The following LRP6 variants were observed in gnomAD, a reference collection of about 807,000 sequenced individuals.
LRP6 encodes low-density lipoprotein receptor-related protein 6.
Under a neutral mutation model 184.1 loss-of-function variants are expected in LRP6, and 43 were observed. That is an observed-to-expected ratio of 0.23 (90% confidence interval 0.18 to 0.30). The LOEUF (loss-of-function observed/expected upper bound fraction) is 0.30, where lower values mean the gene tolerates loss of function less well. Ranked by LOEUF, LRP6 falls within the 10% of genes least tolerant of loss-of-function variation. The probability of loss-of-function intolerance (pLI) is 1.00; values close to 1 mark genes in which losing one functional copy is unlikely to be tolerated. For synonymous variants in LRP6, 719 were observed against 684.9 expected, an observed-to-expected ratio of 1.05 and a Z score of -0.78; for missense variants, 1,571 against 2,005.3, an observed-to-expected ratio of 0.78 and a Z score of 4.14.
chr12:12,254,143 CAAAAAAAAAAAA>C (rs34210761), intron 1 of LRP6, among the ~76,000 whole-genome samples: 1 of 74,374 alleles, frequency 1.3e-5, no homozygotes, highest in Non-Finnish European at 2.3e-5. Flanking sequence ...GACTCTGTCT[CAAAAAAAAAAAA>C]AAAAAAAAAA....
intron 22 of LRP6, among the ~76,000 whole-genome samples, chr12:12,124,111 C>T (rs1262709208): frequency 6.6e-6 from 1 of 151,708 alleles, no homozygotes; most frequent in Non-Finnish European, 1.5e-5. Flanking sequence ...TGGTGGCTCA[C>T]ACCTGTAATC....
At chr12:12,163,795 A>G (rs1011558230) in intron 9 of LRP6, among the ~76,000 whole-genome samples, 8 of 152,244 alleles carry the variant, frequency 5.3e-5, no homozygotes, top group African/African-American at 1.7e-4. Context: ...TGTATTAAAA[A>G]GCATCTAATA....
At chr12:12,226,077 C>A (rs1220451238) in intron 2 of LRP6, among the ~76,000 whole-genome samples, 1 of 152,158 alleles carries the variant, frequency 6.6e-6, no homozygotes, top group Non-Finnish European at 1.5e-5. Flanking sequence ...TAACTCCAGC[C>A]TCCTCTAACC....
intron 1 of LRP6, among the ~76,000 whole-genome samples, chr12:12,261,849 A>G (rs1865623767): frequency 6.6e-6 from 1 of 152,240 alleles, no homozygotes; most frequent in Non-Finnish European, 1.5e-5. Context: ...CTACAGAAAT[A>G]CAAGATGCAA....
chr12:12,242,443 G>A (rs954991867), intron 2 of LRP6, among the ~76,000 whole-genome samples: 2 of 152,276 alleles, frequency 1.3e-5, no homozygotes, highest in Admixed American at 1.3e-4. Context: ...GGGGAAAAAA[G>A]AACTTTATCT....
intron 2 of LRP6, among the ~76,000 whole-genome samples, chr12:12,230,717 A>T (rs1233154677): frequency 6.6e-6 from 1 of 152,228 alleles, no homozygotes; most frequent in Non-Finnish European, 1.5e-5. Context: ...GTAATATGGT[A>T]AAAAGACAAC....
intron 2 of LRP6, among the ~76,000 whole-genome samples, chr12:12,242,685 C>T (rs751947764): frequency 2.3e-4 from 35 of 152,314 alleles, no homozygotes; most frequent in Non-Finnish European, 4.9e-4. Flanking sequence ...GTTTTTCCTA[C>T]GATCAGAGCC....
chr12:12,169,855 T>A (rs964142027), intron 7 of LRP6, among the ~76,000 whole-genome samples: 3 of 152,170 alleles, frequency 2.0e-5, no homozygotes, highest in Non-Finnish European at 4.4e-5. Context: ...TATTAAAGAT[T>A]TTTTTAAAAC....
At chr12:12,160,152 T>C (rs1389381109) in intron 10 of LRP6, among the ~76,000 whole-genome samples, 188 bp from the exon 11 acceptor site, 1 of 152,174 alleles carries the variant, frequency 6.6e-6, no homozygotes, top group Non-Finnish European at 1.5e-5. Flanking sequence ...TTTTTTTCCA[T>C]ATCCCAAAAA....
chr12:12,219,973 A>G (rs1440315537), intron 2 of LRP6, among the ~76,000 whole-genome samples: 2 of 152,126 alleles, frequency 1.3e-5, no homozygotes, highest in Non-Finnish European at 2.9e-5. Flanking sequence ...GCAACAGCTA[A>G]TTTACTCCAG....
At chr12:12,208,407 TA>T (rs1231547196) in intron 2 of LRP6, among the ~76,000 whole-genome samples, 3 of 152,198 alleles carry the variant, frequency 2.0e-5, no homozygotes, top group African/African-American at 7.2e-5. Flanking sequence ...TCTAACTCAG[TA>T]AAGTTGCTTA....
At chr12:12,127,600 G>C (rs1390454078) in intron 19 of LRP6, among the ~76,000 whole-genome samples, 1 of 152,038 alleles carries the variant, frequency 6.6e-6, no homozygotes, top group Non-Finnish European at 1.5e-5. Context: ...TGCCAGAAGA[G>C]GACACCACCC....
At chr12:12,238,755 G>T (rs1864984878) in intron 2 of LRP6, among the ~76,000 whole-genome samples, 1 of 152,014 alleles carries the variant, frequency 6.6e-6, no homozygotes, top group South Asian at 2.1e-4. Flanking sequence ...AAACACTGAA[G>T]GGCATACTTC....
chr12:12,130,871 G>A lies in LRP6; in HGVS notation c.3993C>T (p.Phe1331=), dbSNP rs1242577407. 3 of 1,607,122 alleles carry A rather than the reference G, an allele frequency of 1.9e-6. No individual in the cohort carries two copies. The highest frequency in any genetic ancestry group is 1.7e-5 in the Admixed American group (1 of 59,992). ...NCEVLCLIDQ[F]RCANGQCIGK... The stretch of plus-strand genomic sequence containing the variant: ...CAATGCACTGACCATTGGCACAGCG[G>A]AACTGATCAATTAAACAAAGCACTG... Residue 1331 remains phenylalanine, a synonymous_variant, in exon 19 of 23, where the codon TTC becomes TTT. Coordinates refer to ENST00000261349, the MANE Select transcript of LRP6 (RefSeq NM_002336.3).
rs1041911088 is a variant in LRP6, at chr12:12,119,175, A to T, written c.*1951T>A. The T allele has an allele frequency of 2.0e-5, 3 of 152,206 alleles. No individual in the cohort carries two copies. The highest frequency in any genetic ancestry group is 7.2e-5 in the African/African-American group (3 of 41,438). The allele number at this position is 152,206 out of a possible 1,614,324, so 9.4% of individuals were successfully genotyped here. A position where few individuals can be genotyped will look rare whatever the true frequency, so the allele number is the denominator to read the frequency against. On this transcript the variant is annotated 3_prime_UTR_variant, in exon 23 of 23. Transcript: ENST00000261349. The stretch of plus-strand genomic sequence containing the variant: ...AAAATCAAGTGCACCTGATTCTTAC[A>T]GTCTCCAACAATCAGCATTATTCTG...
intron 22 of LRP6, among the ~76,000 whole-genome samples, chr12:12,124,360 C>T (rs890707840): frequency 6.6e-6 from 1 of 151,504 alleles, no homozygotes; most frequent in Non-Finnish European, 1.5e-5. Flanking sequence ...GCAACAAGAG[C>T]GAAATCCATC....
chr12:12,208,318 A>C (rs576972735), intron 2 of LRP6, among the ~76,000 whole-genome samples: 2 of 152,354 alleles, frequency 1.3e-5, no homozygotes, highest in East Asian at 3.9e-4. Flanking sequence ...GGAGTAGAGT[A>C]ATGAACGTTT....
intron 22 of LRP6, among the ~76,000 whole-genome samples, chr12:12,121,845 T>G (rs1949611291): frequency 6.6e-6 from 1 of 152,246 alleles, no homozygotes; most frequent in Non-Finnish European, 1.5e-5. Flanking sequence ...AAAATTAACC[T>G]GATGAATAAT....
intron 2 of LRP6, among the ~76,000 whole-genome samples, chr12:12,231,097 C>T (rs1326189654): frequency 7.6e-6 from 1 of 131,992 alleles, no homozygotes. Flanking sequence ...AGGAGAATGG[C>T]TTGAACCTGG....
Sources: gnomAD v4.1 joint callset for allele counts (sites outside exome capture counted in the v4.1 genomes callset) on GRCh38, gnomAD v4.1.1 for gene constraint, MANE v1.5 for transcripts, NCBI Gene and HGNC (gene_info 2026-07-23, HGNC 2026-07-21) for gene names.